The following ABCC4 variants were observed in gnomAD, a reference collection of about 807,000 sequenced individuals.
ABCC4 encodes the protein ATP binding cassette subfamily C member 4 (PEL blood group).
A neutral mutation model predicts 168.5 loss-of-function variants in ABCC4; 102 were observed. The ratio of observed to expected loss-of-function variants is 0.61; its 90% confidence interval spans 0.52 to 0.71. The LOEUF (loss-of-function observed/expected upper bound fraction) is 0.71. Among genes scored for constraint, ABCC4 ranks in the 30% least tolerant of loss-of-function variants. The pLI is 0.00. For missense variants in ABCC4, 1,402 were observed against 1,605.8 expected (o/e 0.87, Z 2.17); for synonymous variants, 617 against 590.7 (o/e 1.04, Z -0.65).
chr13:95,257,078 C>T (rs2040411010), intron 1 of ABCC4, among the ~76,000 whole-genome samples: 1 of 152,198 alleles, frequency 6.6e-6, no homozygotes, highest in African/African-American at 2.4e-5. Flanking sequence ...TTTGACTCCC[C>T]AAAACCTTAA....
At chr13:95,283,592 C>T (rs1056492066) in intron 1 of ABCC4, among the ~76,000 whole-genome samples, 2 of 151,996 alleles carry the variant, frequency 1.3e-5, no homozygotes, top group Admixed American at 1.3e-4. Context: ...TTCTGAAGAG[C>T]ATCTCATGCT....
chr13:95,131,785 A>G (rs1311358721), intron 19 of ABCC4, among the ~76,000 whole-genome samples: 4 of 152,194 alleles, frequency 2.6e-5, no homozygotes, highest in Non-Finnish European at 5.9e-5. Context: ...ACTATCATAA[A>G]ACCAGAAAAT....
intron 25 of ABCC4, among the ~76,000 whole-genome samples, chr13:95,069,042 T>C (rs1350038384): frequency 6.6e-6 from 1 of 152,230 alleles, no homozygotes; most frequent in African/African-American, 2.4e-5. Context: ...CCTGGGTATC[T>C]TCTGGGCATG....
At chr13:95,076,864 A>T (rs1450274933) in intron 21 of ABCC4, among the ~76,000 whole-genome samples, 1 of 151,998 alleles carries the variant, frequency 6.6e-6, no homozygotes, top group Admixed American at 6.6e-5. Flanking sequence ...GGCTCAAGGG[A>T]TCCTCCCACC....
At chr13:95,049,644 TAAATAAATAAATAAATAA>T (rs1333416747) in intron 27 of ABCC4, among the ~76,000 whole-genome samples, 1 of 150,720 alleles carries the variant, frequency 6.6e-6, no homozygotes, top group Non-Finnish European at 1.5e-5. Context: ...CTGTCTCAAA[TAAATAAATAAATAAATAA>T]AAATAAATAA....
At chr13:95,137,392 C>G (rs527299605) in intron 19 of ABCC4, among the ~76,000 whole-genome samples, 213 of 152,260 alleles carry the variant, frequency 1.4e-3, no homozygotes, top group African/African-American at 4.9e-3. Flanking sequence ...TAATTTGTCA[C>G]TACAAAAAAG....
intron 30 of ABCC4, among the ~76,000 whole-genome samples, chr13:95,022,981 A>G (rs974696162): frequency 6.6e-6 from 1 of 152,244 alleles, no homozygotes; most frequent in African/African-American, 2.4e-5. Context: ...TTCCATTATA[A>G]TGCAAGTGTT....
chr13:95,060,618 T>G (rs533284009), intron 26 of ABCC4, among the ~76,000 whole-genome samples: 1 of 152,268 alleles, frequency 6.6e-6, no homozygotes, highest in South Asian at 2.1e-4. Flanking sequence ...CATTTTCTAC[T>G]GTAAGCACTA....
At chr13:95,268,018 C>T (rs2040730364) in intron 1 of ABCC4, among the ~76,000 whole-genome samples, 2 of 152,242 alleles carry the variant, frequency 1.3e-5, no homozygotes, top group South Asian at 2.1e-4. Flanking sequence ...TCAGACACTA[C>T]TATGTGGGGA....
intron 1 of ABCC4, among the ~76,000 whole-genome samples, chr13:95,288,531 C>T (rs761880932): frequency 4.6e-5 from 7 of 152,210 alleles, no homozygotes; most frequent in Middle Eastern, 3.4e-3. Context: ...TTAGGCTGGA[C>T]GCAGTGGCTC....
At chr13:95,176,499 A>AT (rs2037707760) in intron 13 of ABCC4, among the ~76,000 whole-genome samples, 1 of 152,130 alleles carries the variant, frequency 6.6e-6, no homozygotes, top group Non-Finnish European at 1.5e-5. Flanking sequence ...TATCTAAAAA[A>AT]AAAATAATAA....
Position 95,151,843 on chromosome 13 carries a change from A to G in ABCC4, c.2455+9346T>C, listed in dbSNP as rs1379688926. Among the ~76,000 whole-genome samples, 3 of 152,194 alleles carry G rather than the reference A, an allele frequency of 2.0e-5. No individual in the cohort carries two copies. In the South Asian group the frequency reaches 6.2e-4, roughly 32 times the overall value. On this transcript the variant is annotated intron_variant, in intron 19 of 30. Transcript: ENST00000645237. ...GAGGCTAAGAGAAGTAATGTGACCG[A>G]CTTAGTTACCACAAACTATGATCCT... is the stretch of plus-strand genomic sequence containing the variant.
chr13:95,142,794 A>G (rs1359223088), intron 19 of ABCC4, among the ~76,000 whole-genome samples: 2 of 152,194 alleles, frequency 1.3e-5, no homozygotes, highest in African/African-American at 4.8e-5. Flanking sequence ...TGAAGACTAA[A>G]TTAGAAGATT....
intron 6 of ABCC4, among the ~76,000 whole-genome samples, chr13:95,209,096 C>T (rs142145962): frequency 9.5e-4 from 145 of 152,312 alleles, no homozygotes; most frequent in African/African-American, 3.0e-3. Flanking sequence ...ATGTATGCAG[C>T]TAGAATGGAG....
rs1289888106 is a variant in ABCC4 at position 95,214,776 on chromosome 13, C to T, written c.532-3995G>A. 2.0e-5 allele frequency among the ~76,000 whole-genome samples: 3 copies of T among 151,510 alleles called. No homozygotes were observed. The East Asian group carries it at 5.8e-4, about 29-fold the overall frequency. On this transcript the variant is annotated intron_variant, in intron 4 of 30. Transcript: ENST00000645237. ...TGGTGGGCACCTGTAATTCCAGCCACTCCGGAGGCTCAGGCAGGAAAATCA... is the reference window on the plus strand; with the variant it reads ...TGGTGGGCACCTGTAATTCCAGCCATTCCGGAGGCTCAGGCAGGAAAATCA...
intron 8 of ABCC4, among the ~76,000 whole-genome samples, chr13:95,202,911 A>G (rs1379692922): frequency 2.0e-5 from 3 of 151,884 alleles, no homozygotes; most frequent in Non-Finnish European, 4.4e-5. Context: ...CCGTCCACCT[A>G]GGCCTCCAAA....
At chr13:95,266,540 A>G (rs948969956) in intron 1 of ABCC4, among the ~76,000 whole-genome samples, 10 of 152,192 alleles carry the variant, frequency 6.6e-5, no homozygotes, top group Non-Finnish European at 1.5e-4. Flanking sequence ...TGTTATCACC[A>G]TTCCCTAAGG....
At chr13:95,087,181 T>C (rs2034284873) in intron 20 of ABCC4, among the ~76,000 whole-genome samples, 1 of 152,144 alleles carries the variant, frequency 6.6e-6, no homozygotes, top group South Asian at 2.1e-4. Context: ...CTTCTACTTA[T>C]TTATTTTGGG....
At chr13:95,024,757 C>A (rs1024761510) in intron 30 of ABCC4, among the ~76,000 whole-genome samples, 1 of 152,152 alleles carries the variant, frequency 6.6e-6, no homozygotes, top group Non-Finnish European at 1.5e-5. Context: ...GTAATGGAGA[C>A]TTAGAAAGGA....
Sources: gnomAD v4.1 joint callset for allele counts (sites outside exome capture counted in the v4.1 genomes callset) on GRCh38, gnomAD v4.1.1 for gene constraint, MANE v1.5 for transcripts, NCBI Gene and HGNC (gene_info 2026-07-23, HGNC 2026-07-21) for gene names.